Variants in BORCS5 observed in about 807,000 individuals in gnomAD.
BORCS5 encodes the protein BLOC-1 related complex subunit 5, also known as BLOC-1-related complex subunit 5.
A neutral mutation model predicts 22.1 loss-of-function variants in BORCS5; 17 were observed. That is an observed-to-expected ratio of 0.77 (90% confidence interval 0.53 to 1.15). The LOEUF is 1.15. BORCS5 is among the 50% of genes most tolerant of loss of function. BORCS5 has a pLI of 0.00. For synonymous variants in BORCS5, 117 were observed against 99.8 expected (o/e 1.17, Z -1.03); for missense variants, 247 against 253.2 (o/e 0.98, Z 0.17).
chr12:12,411,252 C>A (rs1941724776), intron 2 of BORCS5, among the ~76,000 whole-genome samples: 1 of 152,196 alleles, frequency 6.6e-6, no homozygotes, highest in Admixed American at 6.5e-5. Flanking sequence ...CCGGAACTTC[C>A]AACACTATGT....
intron 2 of BORCS5, among the ~76,000 whole-genome samples, chr12:12,405,635 A>G (rs562449542): frequency 3.9e-5 from 6 of 152,286 alleles, no homozygotes; most frequent in Admixed American, 3.9e-4. Context: ...AATATTAGGC[A>G]TTATTTTTCT....
At chr12:12,429,069 A>C (rs1027049870) in intron 2 of BORCS5, among the ~76,000 whole-genome samples, 2 of 152,122 alleles carry the variant, frequency 1.3e-5, no homozygotes, top group African/African-American at 4.8e-5. Context: ...GACAGGAGGG[A>C]GATGGTGGGG....
intron 2 of BORCS5, among the ~76,000 whole-genome samples, chr12:12,399,368 ACACT>A (rs1941419889): frequency 6.6e-6 from 1 of 152,258 alleles, no homozygotes; most frequent in African/African-American, 2.4e-5. Context: ...CCCCAAATCA[ACACT>A]CACTCTCCAG....
rs958107681 is a variant in BORCS5, at chr12:12,470,357, T to C, written c.*4581T>C. Among the ~76,000 whole-genome samples, 2 of 152,138 alleles carry C rather than the reference T, an allele frequency of 1.3e-5. No individual in the cohort carries two copies. The highest frequency in any genetic ancestry group is 4.8e-5 in the African/African-American group (2 of 41,440). On this transcript the variant is annotated 3_prime_UTR_variant, in exon 4 of 4. Transcript: ENST00000314565. ...TACTGGGATTACAGGCGTGAGCCAC[T>C]GCACCTGGCCAGCTTCGTGTGTATT...
chr12:12,430,451 G>T (rs758877255), intron 2 of BORCS5, among the ~76,000 whole-genome samples: 1 of 151,968 alleles, frequency 6.6e-6, no homozygotes, highest in East Asian at 1.9e-4. Context: ...GTGCCTGGCC[G>T]ATAAAATGTT....
intron 3 of BORCS5, among the ~76,000 whole-genome samples, chr12:12,451,166 C>CT (rs201926986): frequency 0.028 from 3,900 of 139,042 alleles, 75 homozygotes; most frequent in South Asian, 0.065. Flanking sequence ...AGAATTTATT[C>CT]TTTTTTTTTT....
At chr12:12,360,377 C>T (rs1425512366) in intron 1 of BORCS5, among the ~76,000 whole-genome samples, 1 of 151,894 alleles carries the variant, frequency 6.6e-6, no homozygotes, top group African/African-American at 2.4e-5. Flanking sequence ...AAATAAAATC[C>T]TGTAATGTCT....
chr12:12,410,359 G>A (rs1941700737), intron 2 of BORCS5, among the ~76,000 whole-genome samples: 1 of 152,168 alleles, frequency 6.6e-6, no homozygotes, highest in Non-Finnish European at 1.5e-5. Flanking sequence ...TATGGTTTTA[G>A]GTCTAACATT....
Position 12,409,092 on chromosome 12 carries a change from A to ATT in BORCS5, c.203-26528_203-26527dup, listed in dbSNP as rs34266185. Among the ~76,000 whole-genome samples the ATT allele has an allele frequency of 2.0e-3, 295 of 149,964 alleles. 2 individuals are homozygous for ATT. Among genetic ancestry groups the ATT allele is most frequent in the African/African-American group, 7.0e-3 (283 of 40,508 alleles). ...GTAAGGGTTCTACATCTTTGCCATC[A>ATT]TTTTTTTTTGTTTGTTTTTGATACT... On this transcript the variant is annotated intron_variant, in intron 2 of 3. Coordinates refer to ENST00000314565, the MANE Select transcript of BORCS5 (RefSeq NM_058169.6).
Position 12,438,241 on chromosome 12 carries a change from G to T in BORCS5, c.360+2456G>T, listed in dbSNP as rs142356917. On this transcript the variant is annotated intron_variant, in intron 3 of 3. Coordinates refer to ENST00000314565, the MANE Select transcript of BORCS5 (RefSeq NM_058169.6). Reference sequence around the variant, plus strand: ...CCAGGTGTGATGGTGCATGCCTGTAGTCCCAGCTCCTCGGGAGGCTGAGGC... The same window carrying T: ...CCAGGTGTGATGGTGCATGCCTGTATTCCCAGCTCCTCGGGAGGCTGAGGC... 6.9e-3 allele frequency among the ~76,000 whole-genome samples: 1,046 copies of T among 151,526 alleles called. 11 individuals are homozygous for T. Among genetic ancestry groups the T allele is most frequent in the African/African-American group, 0.024 (991 of 41,278 alleles).
At chr12:12,450,544 T>G (rs1942888492) in intron 3 of BORCS5, among the ~76,000 whole-genome samples, 1 of 152,224 alleles carries the variant, frequency 6.6e-6, no homozygotes, top group South Asian at 2.1e-4. Flanking sequence ...ACCAAAGTGT[T>G]TTTCCATTCC....
chr12:12,374,063 C>CT (rs1445562974), intron 2 of BORCS5, among the ~76,000 whole-genome samples: 1 of 147,188 alleles, frequency 6.8e-6, no homozygotes, highest in Non-Finnish European at 1.5e-5. Context: ...TCTCGGCTCA[C>CT]TGCAAGCTCT....
At chr12:12,425,049 A>G (rs529641647) in intron 2 of BORCS5, among the ~76,000 whole-genome samples, 186 of 152,274 alleles carry the variant, frequency 1.2e-3, no homozygotes, top group African/African-American at 4.3e-3. Flanking sequence ...TTGTGATCAG[A>G]AGCAGCCAAC....
chr12:12,379,491 G>A (rs1222617805), intron 2 of BORCS5, among the ~76,000 whole-genome samples: 1 of 151,356 alleles, frequency 6.6e-6, no homozygotes, highest in Non-Finnish European at 1.5e-5. Flanking sequence ...ATACAATTTT[G>A]TTTTAGAAAA....
At chr12:12,407,822 G>A (rs1425465473) in intron 2 of BORCS5, among the ~76,000 whole-genome samples, 5 of 149,208 alleles carry the variant, frequency 3.4e-5, no homozygotes, top group South Asian at 2.1e-4. Context: ...TGATCCTCCC[G>A]CCTCAGCCTC....
chr12:12,427,999 T>TTTC (rs1165229813), intron 2 of BORCS5, among the ~76,000 whole-genome samples: 1 of 152,170 alleles, frequency 6.6e-6, no homozygotes, highest in Admixed American at 6.5e-5. Flanking sequence ...ACGGGGGAAT[T>TTTC]TTCTTTTTTC....
chr12:12,458,429 A>G (rs2136156090), intron 3 of BORCS5, among the ~76,000 whole-genome samples: 2 of 152,222 alleles, frequency 1.3e-5, no homozygotes, highest in Non-Finnish European at 2.9e-5. Flanking sequence ...TGATATATTC[A>G]TTCTGGATGT....
intron 2 of BORCS5, among the ~76,000 whole-genome samples, chr12:12,423,963 TACAGGCGTG>T (rs1405856313): frequency 2.0e-5 from 3 of 152,228 alleles, no homozygotes; most frequent in Non-Finnish European, 4.4e-5. Context: ...GTGCTGGGAT[TACAGGCGTG>T]AGCCAGTGTG....
chr12:12,446,608 A>G (rs900494611), intron 3 of BORCS5, among the ~76,000 whole-genome samples: 4 of 152,260 alleles, frequency 2.6e-5, no homozygotes, highest in South Asian at 2.1e-4. Context: ...TTTAGATCTC[A>G]GGGACTCCCA....
Sources: gnomAD v4.1 joint callset for allele counts (sites outside exome capture counted in the v4.1 genomes callset) on GRCh38, gnomAD v4.1.1 for gene constraint, MANE v1.5 for transcripts, NCBI Gene and HGNC (gene_info 2026-07-23, HGNC 2026-07-21) for gene names.